EFCAB5: variants seen among roughly 807,000 people sequenced by gnomAD.
The protein encoded by EFCAB5 is EF-hand calcium-binding domain-containing protein 5.
A neutral mutation model predicts 167.9 loss-of-function variants in EFCAB5; 131 were observed. The observed-to-expected ratio is 0.78, with a 90% CI of 0.68 to 0.90. The LOEUF (loss-of-function observed/expected upper bound fraction) is 0.90. Among genes scored for constraint, EFCAB5 ranks in the 40% least tolerant of loss-of-function variants. The pLI is 0.00. For missense variants in EFCAB5, 1,663 were observed against 1,745.2 expected, an observed-to-expected ratio of 0.95 and a Z score of 0.84; for synonymous variants, 574 against 602.8, an observed-to-expected ratio of 0.95 and a Z score of 0.70.
intron 7 of EFCAB5, among the ~76,000 whole-genome samples, chr17:30,020,897 C>T (rs1463428401): frequency 6.6e-6 from 1 of 152,000 alleles, no homozygotes; most frequent in African/African-American, 2.4e-5. Context: ...GTTGGGGTTA[C>T]AGAGGTAAGT....
At chr17:30,055,176 C>T (rs899118055) in intron 10 of EFCAB5, among the ~76,000 whole-genome samples, 8 of 152,060 alleles carry the variant, frequency 5.3e-5, no homozygotes, top group Non-Finnish European at 7.4e-5. Context: ...ATTGTAGTCT[C>T]GGCTACGCAG....
intron 12 of EFCAB5, 65 bp from the exon 13 acceptor site, chr17:30,057,611 C>A: frequency 2.2e-6 from 3 of 1,363,834 alleles, no homozygotes; most frequent in Non-Finnish European, 3.1e-6. Flanking sequence ...AATAGGCACT[C>A]ATTTATTTTC....
intron 7 of EFCAB5, among the ~76,000 whole-genome samples, chr17:30,022,528 A>G (rs981477951): frequency 6.6e-6 from 1 of 152,174 alleles, no homozygotes; most frequent in Non-Finnish European, 1.5e-5. Flanking sequence ...TGAGGGATGC[A>G]TAGCAGAAGA....
intron 7 of EFCAB5, among the ~76,000 whole-genome samples, chr17:30,024,802 A>G (rs1567722000): frequency 6.6e-6 from 1 of 152,236 alleles, no homozygotes; most frequent in Non-Finnish European, 1.5e-5. Flanking sequence ...GGCTACAGTA[A>G]GCAAAACAGC....
intron 22 of EFCAB5, among the ~76,000 whole-genome samples, chr17:30,103,096 T>A (rs2151860911): frequency 6.6e-6 from 1 of 152,092 alleles, no homozygotes; most frequent in South Asian, 2.1e-4. Context: ...TCCTCCCAAG[T>A]GTTGAGATTA....
At chr17:30,068,906 G>C in intron 14 of EFCAB5, 1 of 1,540,540 alleles carries the variant, frequency 6.5e-7, no homozygotes, top group Non-Finnish European at 9.0e-7. Flanking sequence ...GACACAGAAC[G>C]AGACCAAATA....
Position 29,969,493 on chromosome 17 carries a change from T to G in EFCAB5, c.767+126T>G, listed in dbSNP as rs2067906141. 1.2e-5 allele frequency: 10 copies of G among 857,210 alleles called. No individual in the cohort carries two copies. The Admixed American group carries it at 3.2e-4, about 27-fold the overall frequency. 53.1% of individuals were successfully genotyped at this position (857,210 alleles called of 1,614,324 possible). ...CTACAGTTATTCAGAAAGTATTTAT[T>G]GAGCTACTAGTATGTGCTTCACTCT... On this transcript the variant is annotated intron_variant, in intron 4 of 22. Transcript: ENST00000394835.
At chr17:29,933,535 A>G (rs2067220312) in intron 1 of EFCAB5, among the ~76,000 whole-genome samples, 1 of 152,232 alleles carries the variant, frequency 6.6e-6, no homozygotes, top group Admixed American at 6.5e-5. Context: ...GGCCAAGAGC[A>G]GGATTCCCAA....
At position 30,034,361 on chromosome 17, in the gene EFCAB5, C is replaced by A. The variant is rs770507006; in HGVS notation, c.1176C>A (p.Leu392=). The A allele has an allele frequency of 6.2e-7, 1 of 1,607,230 alleles. No homozygotes were observed. Among genetic ancestry groups the A allele is most frequent in the South Asian group, 1.1e-5 (1 of 90,348 alleles). ...ADMRRQMFAE[L]FLHCDHGKVG... is the part of the protein sequence containing the mutation. ...TGCGGAGGCAGATGTTCGCTGAACT[C>A]TTCCTACATTGTGACCACGGGAAGG... The change falls in exon 8 of 23, where the codon CTC becomes CTA. Residue 392 remains leucine, a synonymous_variant. Transcript: ENST00000394835.
At chr17:30,069,094 C>T (rs1431432535) in intron 14 of EFCAB5, 11 of 1,454,238 alleles carry the variant, frequency 7.6e-6, no homozygotes, top group South Asian at 2.3e-5. Context: ...AAGAGCCATC[C>T]GAGTTAAAAG....
intron 1 of EFCAB5, 83 bp downstream of exon 1, chr17:29,941,921 A>T (rs1567667785): frequency 7.7e-6 from 10 of 1,293,114 alleles, no homozygotes; most frequent in Non-Finnish European, 1.1e-5. Flanking sequence ...GCAATATCAC[A>T]GTCTATCATT....
intron 6 of EFCAB5, among the ~76,000 whole-genome samples, chr17:29,999,503 T>A (rs1021044370): frequency 6.6e-6 from 1 of 152,142 alleles, no homozygotes; most frequent in Admixed American, 6.5e-5. Context: ...AAGAACATTT[T>A]TATGCATTAT....
chr17:30,020,430 T>C (rs1469087178), intron 7 of EFCAB5, among the ~76,000 whole-genome samples: 1 of 151,058 alleles, frequency 6.6e-6, no homozygotes, highest in Non-Finnish European at 1.5e-5. Context: ...AATGGCATGA[T>C]CTCGATTCAC....
At chr17:29,976,001 A>G (rs187947654) in intron 4 of EFCAB5, among the ~76,000 whole-genome samples, 1 of 152,356 alleles carries the variant, frequency 6.6e-6, no homozygotes, top group East Asian at 1.9e-4. Context: ...GTTTCATTAA[A>G]TTTAATAAAT....
At chr17:29,945,070 A>G (rs2067371465) in intron 3 of EFCAB5, among the ~76,000 whole-genome samples, 2 of 152,238 alleles carry the variant, frequency 1.3e-5, no homozygotes, top group Non-Finnish European at 2.9e-5. Flanking sequence ...TCAAAAAAGT[A>G]GAGAAGACAT....
upstream of EFCAB5, among the ~76,000 whole-genome samples, chr17:29,936,775 C>T (rs1410155529): frequency 6.6e-6 from 1 of 152,172 alleles, no homozygotes; most frequent in Non-Finnish European, 1.5e-5. Context: ...ACTTCCTGCT[C>T]CTCGGATACA....
chr17:29,956,566 T>C (rs901502785), intron 3 of EFCAB5, among the ~76,000 whole-genome samples: 2 of 152,246 alleles, frequency 1.3e-5, no homozygotes, highest in South Asian at 4.1e-4. Context: ...ATGGTCTTTT[T>C]ACACATCAAG....
intron 8 of EFCAB5, among the ~76,000 whole-genome samples, chr17:30,037,470 T>C (rs1262630379): frequency 6.6e-6 from 1 of 152,146 alleles, no homozygotes; most frequent in Non-Finnish European, 1.5e-5. Context: ...CTCTCCTTTC[T>C]CTGATGGCAG....
intron 10 of EFCAB5, among the ~76,000 whole-genome samples, chr17:30,055,160 C>T (rs1299653369): frequency 1.3e-5 from 2 of 152,086 alleles, no homozygotes; most frequent in East Asian, 1.9e-4. Flanking sequence ...GCCATGGTGG[C>T]ATGCAATTGT....
Sources: gnomAD v4.1 joint callset for allele counts (sites outside exome capture counted in the v4.1 genomes callset) on GRCh38, gnomAD v4.1.1 for gene constraint, MANE v1.5 for transcripts, NCBI Gene and HGNC (gene_info 2026-07-23, HGNC 2026-07-21) for gene names.